KLF5: variants seen among roughly 807,000 people sequenced by gnomAD.
KLF5 encodes Krueppel-like factor 5.
In KLF5, 9 loss-of-function variants were observed where a neutral mutation model predicts 36.9. The ratio of observed to expected loss-of-function variants is 0.24; its 90% confidence interval spans 0.15 to 0.43. The LOEUF is 0.43. Ranked by LOEUF, KLF5 falls within the 20% of genes least tolerant of loss-of-function variation. The probability of loss-of-function intolerance (pLI) is 1.00; values close to 1 mark genes in which losing one functional copy is unlikely to be tolerated. For synonymous variants in KLF5, 246 were observed against 241.7 expected, an observed-to-expected ratio of 1.02 and a Z score of -0.17; for missense variants, 524 against 599.5, an observed-to-expected ratio of 0.87 and a Z score of 1.31.
intron 3 of KLF5, among the ~76,000 whole-genome samples, chr13:73,072,515 A>G (rs2044729458): frequency 6.6e-6 from 1 of 152,222 alleles, no homozygotes; most frequent in Non-Finnish European, 1.5e-5. Flanking sequence ...GAATCTGGAA[A>G]TGAATTTGAA....
chr13:73,071,492 A>G (rs2044721700), intron 3 of KLF5, among the ~76,000 whole-genome samples: 1 of 152,182 alleles, frequency 6.6e-6, no homozygotes, highest in East Asian at 1.9e-4. Context: ...TTTGATGGAA[A>G]ATTACTGGCA....
At chr13:73,065,021 G>A (rs2044669454) in intron 3 of KLF5, among the ~76,000 whole-genome samples, 1 of 151,778 alleles carries the variant, frequency 6.6e-6, no homozygotes, top group Non-Finnish European at 1.5e-5. Context: ...TAAAGTGATT[G>A]TGTTTTTTTC....
At chr13:73,065,095 A>G (rs2044669928) in intron 3 of KLF5, among the ~76,000 whole-genome samples, 1 of 152,256 alleles carries the variant, frequency 6.6e-6, no homozygotes, top group South Asian at 2.1e-4. Flanking sequence ...GCAATGACCT[A>G]GCAAAATGTA....
Position 73,059,088 on chromosome 13 carries a change from C to T in KLF5, c.-240C>T. 2.8e-6 allele frequency: 1 copy of T among 363,558 alleles called. No homozygotes were observed. The highest frequency in any genetic ancestry group is 4.9e-6 in the Non-Finnish European group (1 of 204,406). The allele number at this position is 363,558 out of a possible 1,614,324, so 22.5% of individuals were successfully genotyped here. Reference sequence around the variant, plus strand: ...GCGGGCTCCGGAGAGCCTGAGAGCACGGTGGGGCGGGGCGGGAGAAAGTGG... The same window carrying T: ...GCGGGCTCCGGAGAGCCTGAGAGCATGGTGGGGCGGGGCGGGAGAAAGTGG... On this transcript the variant is annotated 5_prime_UTR_variant, in exon 1 of 4. In the 5' UTR this introduces an upstream ATG that the reference lacks. Transcript: ENST00000377687.
At chr13:73,057,441 C>CTTTGATATTA (rs983476754), upstream of KLF5, among the ~76,000 whole-genome samples, 3 of 152,138 alleles carry the variant, frequency 2.0e-5, no homozygotes, top group African/African-American at 7.2e-5. Flanking sequence ...TTAAATAATA[C>CTTTGATATTA]TTTGATAACA....
rs140846152 is a variant in KLF5, at chr13:73,073,289, T to TGG, written c.1196-2414_1196-2413dup. Among the ~76,000 whole-genome samples, 586 of 152,276 alleles carry TGG rather than the reference T, an allele frequency of 3.8e-3. 4 individuals carry two copies. The highest frequency in any genetic ancestry group is 0.013 in the African/African-American group (555 of 41,552). ...CAAATCCCATAGAAACTGCCCCAAG[T>TGG]GGGGGGATAGTTGTCCTTACTTTTA... On this transcript the variant is annotated intron_variant, in intron 3 of 3. Transcript: ENST00000377687.
At chr13:73,070,885 C>T (rs927855924) in intron 3 of KLF5, among the ~76,000 whole-genome samples, 15 of 152,156 alleles carry the variant, frequency 9.9e-5, no homozygotes, top group Non-Finnish European at 1.8e-4. Context: ...CTCAGTGGTC[C>T]TGGGCAGGGC....
At chr13:73,059,850 G>C (rs112353869) in intron 1 of KLF5, 2 of 952,734 alleles carry the variant, frequency 2.1e-6, no homozygotes, top group Non-Finnish European at 2.5e-6. Context: ...GTAAGAGGGA[G>C]GGAACTGGGT....
In KLF5 at chr13:73,059,366, AC is replaced by A; in HGVS notation, c.42del (p.Val15CysfsTer37). On this transcript the variant is annotated frameshift_variant, in exon 1 of 4. Coordinates refer to ENST00000377687, the MANE Select transcript of KLF5 (RefSeq NM_001730.5). LOFTEE classifies it high-confidence loss of function. ...TGCTGAGCATGAGCGCCCGCCTGGG[AC>A]CCGTGCCCCAGCCGCCGGCGCCGCA... is the stretch of plus-strand genomic sequence containing the variant. ...RVLSMSARLG[P>X]VPQPPAPQDE... 7.1e-7 allele frequency: 1 copy of A among 1,414,904 alleles called. No individual in the cohort carries two copies. The highest frequency in any genetic ancestry group is 9.2e-7 in the Non-Finnish European group (1 of 1,085,138). 87.6% of individuals were successfully genotyped at this position (1,414,904 alleles called of 1,614,324 possible). A position where few individuals can be genotyped will look rare whatever the true frequency, so the allele number is the denominator to read the frequency against.
In KLF5 at chr13:73,062,819, A is replaced by G. The variant is rs1209415446; in HGVS notation, c.1135+85A>G. 81 of 1,218,610 alleles carry G rather than the reference A, an allele frequency of 6.6e-5. 1 individual carries two copies. Among genetic ancestry groups the G allele is most frequent in the Middle Eastern group, 3.9e-4 (2 of 5,100 alleles). 75.5% of individuals were successfully genotyped at this position (1,218,610 alleles called of 1,614,324 possible). On this transcript the variant is annotated intron_variant, in intron 2 of 3. Coordinates refer to ENST00000377687, the MANE Select transcript of KLF5 (RefSeq NM_001730.5). ...TGTGCGCGCGCGTGTGCGTGTGTGCACGCGCGTGCCCTTTTCAACCTCATG... is the reference window on the plus strand; with the variant it reads ...TGTGCGCGCGCGTGTGCGTGTGTGCGCGCGCGTGCCCTTTTCAACCTCATG...
At chr13:73,055,001 C>T (rs2044575548), upstream of KLF5, 1 of 152,178 alleles carries the variant, frequency 6.6e-6, no homozygotes. Flanking sequence ...TTTCTTTTAA[C>T]CTTGCCTATC....
chr13:73,065,205 C>T (rs2044670540), intron 3 of KLF5, among the ~76,000 whole-genome samples: 1 of 152,144 alleles, frequency 6.6e-6, no homozygotes, highest in South Asian at 2.1e-4. Flanking sequence ...CTAGATGTTA[C>T]TATGGAAATT....
Position 73,075,970 on chromosome 13 carries a change from C to CAAAAAA in KLF5, c.*87_*88insAAAAAA. ...TATTCCTGTGTAAAAACAACAAAAA[C>CAAAAAA]AAACAAAAGCAAGAAAACCACAACT... On this transcript the variant is annotated 3_prime_UTR_variant, in exon 4 of 4. Transcript: ENST00000377687. 1.9e-6 allele frequency: 2 copies of CAAAAAA among 1,063,506 alleles called. No homozygotes were observed. The highest frequency in any genetic ancestry group is 2.5e-6 in the Non-Finnish European group (2 of 793,120). 65.9% of individuals were successfully genotyped at this position (1,063,506 alleles called of 1,614,324 possible). A position where few individuals can be genotyped will look rare whatever the true frequency, so the allele number is the denominator to read the frequency against.
At chr13:73,072,152 G>A (rs926821698) in intron 3 of KLF5, among the ~76,000 whole-genome samples, 7 of 152,130 alleles carry the variant, frequency 4.6e-5, no homozygotes, top group African/African-American at 1.7e-4. Context: ...GCCTTGGTAT[G>A]TCTATTGAAT....
At chr13:73,065,023 GT>G (rs948948883) in intron 3 of KLF5, among the ~76,000 whole-genome samples, 51 of 152,198 alleles carry the variant, frequency 3.4e-4, no homozygotes, top group Middle Eastern at 3.4e-3. Flanking sequence ...AAGTGATTGT[GT>G]TTTTTTCCCT....
chr13:73,075,600 C>CT (rs2044753870), intron 3 of KLF5, 108 bp from the exon 4 acceptor site: 5 of 926,602 alleles, frequency 5.4e-6, no homozygotes, highest in Middle Eastern at 3.1e-4. Flanking sequence ...AGCTTTCCTT[C>CT]TTTCGCTTGG....
upstream of KLF5, among the ~76,000 whole-genome samples, chr13:73,058,445 CAA>C (rs1009474176): frequency 6.6e-6 from 1 of 152,200 alleles, no homozygotes; most frequent in African/African-American, 2.4e-5. Context: ...TACACAGGGA[CAA>C]GAGCTGTTTT....
intron 3 of KLF5, among the ~76,000 whole-genome samples, chr13:73,068,703 CAAAAAA>C (rs59878653): frequency 2.1e-5 from 2 of 93,218 alleles, no homozygotes; most frequent in African/African-American, 8.7e-5. Flanking sequence ...GACTCCATCT[CAAAAAA>C]AAAAAAAAAA....
chr13:73,063,758 T>A, intron 2 of KLF5, 66 bp from the exon 3 acceptor site: 6 of 1,106,436 alleles, frequency 5.4e-6, no homozygotes, highest in Non-Finnish European at 8.3e-6. Flanking sequence ...TTTTAAACAC[T>A]GAATCATCAA....
Sources: gnomAD v4.1 joint callset for allele counts (sites outside exome capture counted in the v4.1 genomes callset) on GRCh38, gnomAD v4.1.1 for gene constraint, MANE v1.5 for transcripts, NCBI Gene and HGNC (gene_info 2026-07-23, HGNC 2026-07-21) for gene names.